The following FAM227B variants were observed in gnomAD, a reference collection of about 807,000 sequenced individuals.
FAM227B encodes family with sequence similarity 227 member B, also known as protein FAM227B.
Under a neutral mutation model 73.8 loss-of-function variants are expected in FAM227B, and 88 were observed. That is an observed-to-expected ratio of 1.19 (90% CI 1.00 to 1.42). The LOEUF (loss-of-function observed/expected upper bound fraction) is 1.42, where lower values mean the gene tolerates loss of function less well. Among genes scored for constraint, FAM227B ranks in the 40% most tolerant of loss-of-function variants. FAM227B has a pLI of 0.00. For synonymous variants in FAM227B, 210 were observed against 190.5 expected (o/e 1.10, Z -0.84); for missense variants, 632 against 590.9 (o/e 1.07, Z -0.72).
chr15:49,497,236 T>C (rs1461208586), intron 11 of FAM227B, among the ~76,000 whole-genome samples: 4 of 152,160 alleles, frequency 2.6e-5, no homozygotes, highest in Non-Finnish European at 5.9e-5. Flanking sequence ...GATGAAACAT[T>C]AGGGACTATA....
At chr15:49,394,165 CT>C (rs1247037139) in intron 11 of FAM227B, among the ~76,000 whole-genome samples, 1 of 152,140 alleles carries the variant, frequency 6.6e-6, no homozygotes, top group East Asian at 1.9e-4. Flanking sequence ...GACTTTGAAG[CT>C]TTCCCCCCAG....
chr15:49,383,743 G>A (rs1053011930), intron 11 of FAM227B, among the ~76,000 whole-genome samples: 1 of 152,038 alleles, frequency 6.6e-6, no homozygotes, highest in Non-Finnish European at 1.5e-5. Flanking sequence ...AAAGGAATAC[G>A]ATTGGCAAAT....
At chr15:49,533,246 T>G (rs573036366) in intron 10 of FAM227B, among the ~76,000 whole-genome samples, 1 of 152,176 alleles carries the variant, frequency 6.6e-6, no homozygotes, top group East Asian at 1.9e-4. Context: ...ATGCTTGATA[T>G]GATTTTAGCC....
rs1555505060 is a variant in FAM227B, at chr15:49,489,883, T to TATATATATATAGAGAGAG, written c.1012+18327_1012+18328insCTCTCTCTATATATATAT. 2.6e-4 allele frequency among the ~76,000 whole-genome samples: 6 copies of TATATATATATAGAGAGAG among 22,946 alleles called. 1 individual carries two copies. The highest frequency in any genetic ancestry group is 1.8e-3 in the South Asian group (1 of 542). 15.1% of individuals were successfully genotyped at this position (22,946 alleles called of 152,430 possible). On this transcript the variant is annotated intron_variant, in intron 11 of 15. Transcript: ENST00000299338. The stretch of plus-strand genomic sequence containing the variant: ...TTTTATATATATATATATATATATA[T>TATATATATATAGAGAGAG]AGAGAGAGAGAGAGAGAGAGAGAGA...
chr15:49,492,964 C>G (rs1438675141), intron 11 of FAM227B, among the ~76,000 whole-genome samples: 2 of 151,878 alleles, frequency 1.3e-5, no homozygotes, highest in African/African-American at 4.8e-5. Context: ...TACTGAAACT[C>G]CATAATTTCA....
At chr15:49,406,977 C>T (rs1005203884) in intron 11 of FAM227B, among the ~76,000 whole-genome samples, 45 of 151,978 alleles carry the variant, frequency 3.0e-4, no homozygotes, top group African/African-American at 1.1e-3. Flanking sequence ...GGCTGGAGGC[C>T]CAGGAGAAGC....
intron 13 of FAM227B, among the ~76,000 whole-genome samples, chr15:49,354,187 A>G (rs2042684471): frequency 6.6e-6 from 1 of 152,228 alleles, no homozygotes; most frequent in African/African-American, 2.4e-5. Context: ...TTGAGTTTAA[A>G]CAAGTCATTC....
intron 10 of FAM227B, among the ~76,000 whole-genome samples, chr15:49,520,578 A>C (rs879570104): frequency 6.6e-6 from 1 of 152,222 alleles, no homozygotes; most frequent in Non-Finnish European, 1.5e-5. Context: ...GAGACCTCAC[A>C]ATCATGGTGG....
intron 10 of FAM227B, among the ~76,000 whole-genome samples, chr15:49,525,702 ATATATATATATATATATC>A (rs2060133357): frequency 1.4e-5 from 1 of 71,298 alleles, no homozygotes; most frequent in East Asian, 3.7e-4. Context: ...ATATATATAT[ATATATATATATATATATC>A]ACAAACAGAG....
intron 10 of FAM227B, among the ~76,000 whole-genome samples, chr15:49,537,319 GA>G (rs2070416475): frequency 6.6e-6 from 1 of 152,048 alleles, no homozygotes; most frequent in Non-Finnish European, 1.5e-5. Flanking sequence ...AGAAGTATAT[GA>G]AAAGGTGCTC....
intron 9 of FAM227B, among the ~76,000 whole-genome samples, chr15:49,558,389 C>T (rs1419881925): frequency 1.3e-5 from 2 of 152,198 alleles, no homozygotes; most frequent in African/African-American, 4.8e-5. Context: ...TCTAGCACTG[C>T]TTGGGTAAAA....
intron 10 of FAM227B, among the ~76,000 whole-genome samples, chr15:49,529,829 C>T (rs1196537701): frequency 6.6e-6 from 1 of 151,676 alleles, no homozygotes; most frequent in East Asian, 1.9e-4. Flanking sequence ...AATTTTGTAA[C>T]TTGAAGATTG....
chr15:49,566,934 A>T (rs1032197915), intron 9 of FAM227B, among the ~76,000 whole-genome samples: 2 of 152,244 alleles, frequency 1.3e-5, no homozygotes, highest in African/African-American at 2.4e-5. Flanking sequence ...ACAAGTGAGA[A>T]CATTTGGATC....
chr15:49,581,608 T>G (rs1283068344), intron 5 of FAM227B, among the ~76,000 whole-genome samples: 2 of 152,126 alleles, frequency 1.3e-5, no homozygotes, highest in Non-Finnish European at 2.9e-5. Context: ...TGAGCCACCG[T>G]ACCCAGATGT....
At chr15:49,377,083 G>A (rs1300402086) in intron 11 of FAM227B, among the ~76,000 whole-genome samples, 1 of 151,772 alleles carries the variant, frequency 6.6e-6, no homozygotes, top group Non-Finnish European at 1.5e-5. Context: ...ATGTCCATGA[G>A]TTCAATTGTT....
At chr15:49,562,833 C>T (rs1598261176) in intron 9 of FAM227B, among the ~76,000 whole-genome samples, 1 of 151,902 alleles carries the variant, frequency 6.6e-6, no homozygotes, top group South Asian at 2.1e-4. Context: ...AAAGTAGGCA[C>T]TGAAGGAACA....
At chr15:49,508,952 C>A (rs1387564844) in intron 10 of FAM227B, among the ~76,000 whole-genome samples, 3 of 152,164 alleles carry the variant, frequency 2.0e-5, no homozygotes, top group African/African-American at 7.2e-5. Flanking sequence ...GGATGTCATG[C>A]CACAGGGGGC....
intron 11 of FAM227B, among the ~76,000 whole-genome samples, chr15:49,377,786 A>G (rs2046267741): frequency 6.6e-6 from 1 of 152,070 alleles, no homozygotes; most frequent in African/African-American, 2.4e-5. Context: ...TAGTTTGCAA[A>G]TATTTTCTGC....
chr15:49,349,441 C>T lies in FAM227B; in HGVS notation c.1272-13945G>A, dbSNP rs527753113. ...ATCAAAAATAAAATAAAATGTCTTT[C>T]TCTAAGAGCAAAATTTAAATACTTG... On this transcript the variant is annotated intron_variant, in intron 13 of 15. Transcript: ENST00000299338. Among the ~76,000 whole-genome samples the T allele has an allele frequency of 9.2e-5, 14 of 152,270 alleles. 2 individuals are homozygous for T. The South Asian group carries it at 2.7e-3, about 29-fold the overall frequency.
Sources: gnomAD v4.1 joint callset for allele counts (sites outside exome capture counted in the v4.1 genomes callset) on GRCh38, gnomAD v4.1.1 for gene constraint, MANE v1.5 for transcripts, NCBI Gene and HGNC (gene_info 2026-07-23, HGNC 2026-07-21) for gene names.